Variants in CSTPP1 observed in about 807,000 individuals in gnomAD.
The protein encoded by CSTPP1 is centriolar satellite-associated tubulin polyglutamylase complex regulator 1.
At chr11:47,135,976 ACTCT>A in the CSTPP1 span, among the ~76,000 whole-genome samples, 23 of 144,464 alleles carry the variant, frequency 1.6e-4, no homozygotes, top group South Asian at 2.2e-4. Context: ...TAATTAAGTA[ACTCT>A]CTCTCTCTCT....
the CSTPP1 span, among the ~76,000 whole-genome samples, chr11:47,013,533 G>T: frequency 1.2e-4 from 18 of 152,112 alleles, no homozygotes; most frequent in African/African-American, 4.3e-4. Flanking sequence ...GTTTGCTGAG[G>T]ATAATGGCTT....
At chr11:47,148,815 A>G in the CSTPP1 span, among the ~76,000 whole-genome samples, 2 of 152,344 alleles carry the variant, frequency 1.3e-5, no homozygotes, top group South Asian at 4.1e-4. Flanking sequence ...ACAGATGAGG[A>G]AACTGAGGCT....
the CSTPP1 span, chr11:47,041,807 T>A: frequency 2.8e-5 from 13 of 464,184 alleles, 1 homozygote; most frequent in African/African-American, 2.4e-4. Context: ...ATCAGAATAC[T>A]TTCATGCCCT....
the CSTPP1 span, among the ~76,000 whole-genome samples, chr11:47,135,976 A>ACT: frequency 0.23 from 33,765 of 144,376 alleles, 3,995 homozygotes; most frequent in East Asian, 0.4. Flanking sequence ...TAATTAAGTA[A>ACT]CTCTCTCTCT....
the CSTPP1 span, among the ~76,000 whole-genome samples, chr11:46,968,693 G>A: frequency 9.2e-5 from 14 of 151,858 alleles, no homozygotes; most frequent in Non-Finnish European, 1.8e-4. Flanking sequence ...GAGGTCAGGA[G>A]TTCGAGACCA....
At chr11:47,102,149 A>G in the CSTPP1 span, among the ~76,000 whole-genome samples, 1 of 152,190 alleles carries the variant, frequency 6.6e-6, no homozygotes, top group Non-Finnish European at 1.5e-5. Context: ...GCACTCAAAT[A>G]GGATTATTGT....
At chr11:47,021,514 G>T in the CSTPP1 span, among the ~76,000 whole-genome samples, 2 of 152,144 alleles carry the variant, frequency 1.3e-5, no homozygotes, top group Non-Finnish European at 2.9e-5. Flanking sequence ...ATAGGGTCCT[G>T]CCTGGCAGGG....
chr11:47,031,744 C>T, the CSTPP1 span, among the ~76,000 whole-genome samples: 1 of 149,238 alleles, frequency 6.7e-6, no homozygotes, highest in African/African-American at 2.5e-5. Context: ...AAAAATTGCC[C>T]TGAAGTTAAA....
the CSTPP1 span, among the ~76,000 whole-genome samples, chr11:46,968,425 AAT>A: frequency 4.8e-5 from 7 of 147,272 alleles, no homozygotes; most frequent in African/African-American, 1.7e-4. Context: ...TATTAAAATA[AAT>A]ATATATACAT....
chr11:46,962,778 C>A, the CSTPP1 span, among the ~76,000 whole-genome samples: 1 of 151,900 alleles, frequency 6.6e-6, no homozygotes, highest in Non-Finnish European at 1.5e-5. Context: ...CATGGCGAAA[C>A]CCCATCTCTA....
chr11:47,064,057 T>C, the CSTPP1 span, among the ~76,000 whole-genome samples: 4 of 152,224 alleles, frequency 2.6e-5, no homozygotes, highest in African/African-American at 2.4e-5. Context: ...GGTTTTGATT[T>C]GCATTTCCTT....
the CSTPP1 span, among the ~76,000 whole-genome samples, chr11:46,951,725 G>A: frequency 6.6e-6 from 1 of 152,068 alleles, no homozygotes; most frequent in African/African-American, 2.4e-5. Flanking sequence ...TTTTATGCAT[G>A]AGAAGAAATG....
chr11:47,024,593 C>T, the CSTPP1 span, among the ~76,000 whole-genome samples: 3 of 152,196 alleles, frequency 2.0e-5, no homozygotes, highest in South Asian at 4.2e-4. Context: ...AGAGAGTGCT[C>T]ATGTTCTGAA....
At chr11:47,152,188 T>G in the CSTPP1 span, among the ~76,000 whole-genome samples, 1 of 150,976 alleles carries the variant, frequency 6.6e-6, no homozygotes, top group Non-Finnish European at 1.5e-5. Flanking sequence ...AGGCGGAGGT[T>G]GCAGTGAGCC....
At chr11:47,158,044 G>C in the CSTPP1 span, 1 of 847,088 alleles carries the variant, frequency 1.2e-6, no homozygotes, top group Non-Finnish European at 1.9e-6. Flanking sequence ...TGACTTCCCA[G>C]GGCCGGACTC....
the CSTPP1 span, chr11:47,164,156 T>C: frequency 6.2e-7 from 1 of 1,613,856 alleles, no homozygotes; most frequent in South Asian, 1.1e-5. Flanking sequence ...CAGGGGCCTT[T>C]GGCTTTCAGA....
the CSTPP1 span, among the ~76,000 whole-genome samples, chr11:47,112,197 T>C: frequency 6.6e-6 from 1 of 152,244 alleles, no homozygotes; most frequent in Admixed American, 6.5e-5. Flanking sequence ...CTAGAGAGAA[T>C]TGAACCACCA....
chr11:47,043,053 G>A, the CSTPP1 span, among the ~76,000 whole-genome samples: 2 of 152,192 alleles, frequency 1.3e-5, no homozygotes, highest in African/African-American at 2.4e-5. Flanking sequence ...AATGCAGTAA[G>A]TGGGACTGTA....
the CSTPP1 span, chr11:47,137,674 T>C: frequency 3.1e-6 from 5 of 1,614,074 alleles, no homozygotes; most frequent in South Asian, 1.1e-5. Flanking sequence ...ATATCACTGT[T>C]TGCTGCAATT....
Sources: allele counts gnomAD v4.1 joint callset (sites outside exome capture counted in the v4.1 genomes callset), GRCh38; gene constraint gnomAD v4.1.1; transcripts MANE v1.5; gene names NCBI Gene and HGNC (gene_info 2026-07-23, HGNC 2026-07-21).